The following FGF13 variants were observed in gnomAD, a reference collection of about 807,000 sequenced individuals.
The protein encoded by FGF13 is fibroblast growth factor homologous factor 2.
Under a neutral mutation model 19.5 loss-of-function variants are expected in FGF13, and 2 were observed. That is an observed-to-expected ratio of 0.10 (90% CI 0.04 to 0.32). The LOEUF (loss-of-function observed/expected upper bound fraction) is 0.32. FGF13 is among the 10% of genes least tolerant of loss of function. FGF13 has a pLI of 1.00. For missense variants in FGF13, 113 were observed against 192.7 expected, an observed-to-expected ratio of 0.59 and a Z score of 2.45; for synonymous variants, 72 against 76.9, an observed-to-expected ratio of 0.94 and a Z score of 0.33.
chrX:139,083,912 G>A (rs5976264), intron 1 of FGF13, among the ~76,000 whole-genome samples: 2 of 110,692 alleles, frequency 1.8e-5, no homozygotes, highest in Non-Finnish European at 3.8e-5. Flanking sequence ...AAGTATCCCA[G>A]GGAGAGAGTC....
chrX:138,634,923 T>C (rs979941955), intron 4 of FGF13, among the ~76,000 whole-genome samples: 2 of 112,072 alleles, frequency 1.8e-5, no homozygotes, highest in African/African-American at 6.5e-5. Context: ...AGTCATCATA[T>C]GAAAAACACA....
In FGF13 at chrX:139,105,750, A is replaced by G. The variant is rs181174987; in HGVS notation, c.-113+97666T>C. Among the ~76,000 whole-genome samples the G allele has an allele frequency of 3.8e-3, 432 of 112,403 alleles. 2 individuals are homozygous for G. The highest frequency in any genetic ancestry group is 0.013 in the African/African-American group (403 of 30,990). Reference sequence around the variant, plus strand: ...CTAAATGACATCATCATCTTTTTAGAATACATTATGTTAACACTACAATAC... The same window carrying G: ...CTAAATGACATCATCATCTTTTTAGGATACATTATGTTAACACTACAATAC... On this transcript the variant is annotated intron_variant, in intron 1 of 2. Coordinates refer to the FGF13 transcript ENST00000421460.
At chrX:138,875,929 A>C (rs1236238857) in intron 1 of FGF13, among the ~76,000 whole-genome samples, 1 of 110,575 alleles carries the variant, frequency 9.0e-6, no homozygotes, top group African/African-American at 3.3e-5. Flanking sequence ...AACCTTGCAG[A>C]TCTTGGGACT....
At chrX:138,757,736 G>A (rs1398314891) in intron 3 of FGF13, among the ~76,000 whole-genome samples, 4 of 111,444 alleles carry the variant, frequency 3.6e-5, no homozygotes, top group Non-Finnish European at 3.8e-5. Context: ...GGAGATGTGG[G>A]ACCATCAGGA....
At chrX:139,074,120 A>T (rs1320894459) in intron 1 of FGF13, among the ~76,000 whole-genome samples, 4 of 112,031 alleles carry the variant, frequency 3.6e-5, no homozygotes, top group East Asian at 2.8e-4. Context: ...CCTTTTGTTC[A>T]GTACTTTAGG....
intron 1 of FGF13, among the ~76,000 whole-genome samples, chrX:139,068,769 A>G (rs1313494398): frequency 9.0e-6 from 1 of 110,925 alleles, no homozygotes; most frequent in Non-Finnish European, 1.9e-5. Flanking sequence ...GAGTTCACTC[A>G]TGATTTGACT....
In FGF13 at chrX:139,121,850, C is replaced by T. The variant is rs1454263493; in HGVS notation, c.-113+81566G>A. ...GGAAGCACCAAGGCCAGTCAGGAGACAGAGGATGTGAGAGAAAATGTGAGC... is the reference window on the plus strand; with the variant it reads ...GGAAGCACCAAGGCCAGTCAGGAGATAGAGGATGTGAGAGAAAATGTGAGC... On this transcript the variant is annotated intron_variant, in intron 1 of 2. Transcript: ENST00000421460. 2.7e-5 allele frequency among the ~76,000 whole-genome samples: 3 copies of T among 111,228 alleles called. No homozygotes were observed. In the East Asian group the frequency reaches 8.6e-4, roughly 32 times the overall value.
Position 138,615,121 on chromosome X carries a change from G to A in FGF13, c.*17729C>T, listed in dbSNP as rs913386346. 4 of 111,447 alleles carry A rather than the reference G, an allele frequency of 3.6e-5. No homozygotes were observed. The highest frequency in any genetic ancestry group is 9.5e-5 in the Admixed American group (1 of 10,472). The allele number at this position is 111,447 out of a possible 1,213,427, so 9.2% of individuals were successfully genotyped here. On this transcript the variant is annotated 3_prime_UTR_variant, in exon 5 of 5. Coordinates refer to ENST00000315930, the MANE Select transcript of FGF13 (RefSeq NM_004114.5). ...GTTCCATATCTTGATCATTGTAGTG[G>A]TTACCCAAATATACACATGTGGTAA...
intron 1 of FGF13, among the ~76,000 whole-genome samples, chrX:138,945,390 G>A (rs2091777039): frequency 9.0e-6 from 1 of 110,901 alleles, no homozygotes; most frequent in South Asian, 3.9e-4. Context: ...CTTGAGTAAT[G>A]AGGGTGAGTC....
intron 3 of FGF13, among the ~76,000 whole-genome samples, chrX:138,669,161 T>C (rs776330279): frequency 9.0e-6 from 1 of 110,547 alleles, no homozygotes; most frequent in Non-Finnish European, 1.9e-5. Flanking sequence ...AAAAAGGTAG[T>C]AGTCCAGGAG....
At chrX:138,953,166 T>G (rs2091822728) in intron 1 of FGF13, among the ~76,000 whole-genome samples, 1 of 110,673 alleles carries the variant, frequency 9.0e-6, no homozygotes, top group South Asian at 3.9e-4. Flanking sequence ...TAGCAAAGAC[T>G]TGGAACCAAC....
upstream of FGF13, chrX:138,712,188 G>C (rs1370832448): frequency 1.8e-5 from 2 of 111,755 alleles, no homozygotes; most frequent in African/African-American, 6.5e-5. Context: ...GAGGAGGCCA[G>C]AGTCCCCAGA....
At chrX:139,036,722 A>G (rs1173374087) in intron 1 of FGF13, among the ~76,000 whole-genome samples, 3 of 111,497 alleles carry the variant, frequency 2.7e-5, no homozygotes, top group South Asian at 3.8e-4. Context: ...ACAGTTCCAC[A>G]TGGCTGGGGA....
intron 1 of FGF13, among the ~76,000 whole-genome samples, chrX:138,866,842 G>A (rs1033438984): frequency 1.3e-4 from 14 of 111,746 alleles, no homozygotes; most frequent in Non-Finnish European, 3.8e-5. Flanking sequence ...CACAATAGCT[G>A]GCACACAGTC....
chrX:138,817,098 G>A (rs2090967034), intron 3 of FGF13, among the ~76,000 whole-genome samples: 1 of 112,300 alleles, frequency 8.9e-6, no homozygotes, highest in South Asian at 3.7e-4. Context: ...CATTTATCTT[G>A]AGAATTTCAA....
intron 1 of FGF13, among the ~76,000 whole-genome samples, chrX:138,935,155 C>T (rs1038222442): frequency 7.2e-5 from 8 of 110,799 alleles, no homozygotes; most frequent in African/African-American, 1.3e-4. Context: ...CTTTGTTGGG[C>T]GGCCCCTTCA....
chrX:138,826,610 A>T (rs2091035994), intron 3 of FGF13, among the ~76,000 whole-genome samples: 1 of 112,270 alleles, frequency 8.9e-6, no homozygotes, highest in Non-Finnish European at 1.9e-5. Flanking sequence ...ATCAGATCCT[A>T]AGAATGCTGC....
chrX:138,932,938 A>T (rs1374231954), intron 1 of FGF13, among the ~76,000 whole-genome samples: 2 of 111,021 alleles, frequency 1.8e-5, no homozygotes, highest in African/African-American at 6.6e-5. Context: ...GACCAGTGTT[A>T]GTTGTCTAAC....
At chrX:138,770,494 C>T (rs1340827861) in intron 3 of FGF13, among the ~76,000 whole-genome samples, 3 of 111,158 alleles carry the variant, frequency 2.7e-5, no homozygotes, top group African/African-American at 9.8e-5. Flanking sequence ...CATTTACATC[C>T]TGCTTAAGTT....
Sources: allele counts gnomAD v4.1 joint callset (sites outside exome capture counted in the v4.1 genomes callset), GRCh38; gene constraint gnomAD v4.1.1; transcripts MANE v1.5; gene names NCBI Gene and HGNC (gene_info 2026-07-23, HGNC 2026-07-21).